Variants in KCNMA1 observed in about 807,000 individuals in gnomAD.
KCNMA1 encodes the protein Calcium-activated potassium channel subunit alpha-1.
Under a neutral mutation model 140.0 loss-of-function variants are expected in KCNMA1, and 29 were observed. The observed-to-expected ratio is 0.21, with a 90% CI of 0.15 to 0.28. KCNMA1 has a LOEUF of 0.28. Among genes scored for constraint, KCNMA1 ranks in the 10% least tolerant of loss-of-function variants. The pLI, the probability that KCNMA1 is intolerant of heterozygous loss-of-function variation, is 1.00. For synonymous variants in KCNMA1, 612 were observed against 611.9 expected, an observed-to-expected ratio of 1.00 and a Z score of 0.00; for missense variants, 880 against 1,602.2, an observed-to-expected ratio of 0.55 and a Z score of 7.70.
At chr10:77,212,941 G>A (rs1470208424) in intron 3 of KCNMA1, among the ~76,000 whole-genome samples, 7 of 152,004 alleles carry the variant, frequency 4.6e-5, no homozygotes, top group South Asian at 2.1e-4. Context: ...AATTGGTTTC[G>A]TAAGCCTTCT....
intron 1 of KCNMA1, among the ~76,000 whole-genome samples, chr10:77,520,121 G>A (rs77800909): frequency 1.3e-4 from 6 of 44,970 alleles, no homozygotes; most frequent in Admixed American, 2.6e-4. Flanking sequence ...TGTGAGGTCC[G>A]GGGTATGCAG....
chr10:77,529,744 G>C (rs1383765057), intron 1 of KCNMA1, among the ~76,000 whole-genome samples: 1 of 152,028 alleles, frequency 6.6e-6, no homozygotes, highest in Non-Finnish European at 1.5e-5. Flanking sequence ...AAAGAATGAG[G>C]ACACCCCAAG....
chr10:77,583,344 T>A (rs1269673826), intron 1 of KCNMA1, among the ~76,000 whole-genome samples: 1 of 152,238 alleles, frequency 6.6e-6, no homozygotes, highest in Admixed American at 6.5e-5. Flanking sequence ...CACAAATGGC[T>A]GCTGGAATCC....
intron 25 of KCNMA1, among the ~76,000 whole-genome samples, chr10:76,897,181 T>G (rs917513404): frequency 9.2e-5 from 14 of 151,680 alleles, no homozygotes; most frequent in African/African-American, 3.4e-4. Context: ...TGATAAACAG[T>G]AAGTATTTAC....
chr10:77,028,072 T>G (rs1565634015), intron 15 of KCNMA1, among the ~76,000 whole-genome samples, 181 bp from the exon 16 acceptor site: 1 of 152,166 alleles, frequency 6.6e-6, no homozygotes, highest in African/African-American at 2.4e-5. Context: ...CTATTAAACC[T>G]GATTTCTTGC....
chr10:77,439,191 C>T (rs1007706062), intron 1 of KCNMA1, among the ~76,000 whole-genome samples: 4 of 150,624 alleles, frequency 2.7e-5, no homozygotes, highest in African/African-American at 9.8e-5. Context: ...AGATTCCAAA[C>T]ATACAACAGG....
intron 2 of KCNMA1, among the ~76,000 whole-genome samples, chr10:77,323,532 C>T (rs2082972213): frequency 6.6e-6 from 1 of 152,158 alleles, no homozygotes; most frequent in African/African-American, 2.4e-5. Context: ...TTCCTCTGTC[C>T]CCATCCCAAC....
At chr10:77,609,611 G>A (rs1603638418) in intron 1 of KCNMA1, among the ~76,000 whole-genome samples, 1 of 152,110 alleles carries the variant, frequency 6.6e-6, no homozygotes, top group Non-Finnish European at 1.5e-5. Flanking sequence ...CAAAAAATAG[G>A]TATATGAGAT....
Position 77,450,275 on chromosome 10 carries a change from C to T in KCNMA1, c.379-46252G>A, listed in dbSNP as rs374143286. Among the ~76,000 whole-genome samples the T allele has an allele frequency of 6.8e-3, 1,028 of 152,006 alleles. 5 individuals are homozygous for T. Among genetic ancestry groups the T allele is most frequent in the Middle Eastern group, 0.014 (4 of 294 alleles). ...TTTGCCATGTTGGCCAGGTTGGTCTCGAACTCCTGCCCTGAGGTGATCCAC... is the reference window on the plus strand; with the variant it reads ...TTTGCCATGTTGGCCAGGTTGGTCTTGAACTCCTGCCCTGAGGTGATCCAC... On this transcript the variant is annotated intron_variant, in intron 1 of 27. Transcript: ENST00000286628.
chr10:77,240,973 C>G (rs2057121275), intron 3 of KCNMA1, among the ~76,000 whole-genome samples: 1 of 152,194 alleles, frequency 6.6e-6, no homozygotes, highest in Non-Finnish European at 1.5e-5. Flanking sequence ...GGGAGAAAAG[C>G]AAGACTATTA....
chr10:77,176,920 T>C (rs1398704707), intron 5 of KCNMA1, among the ~76,000 whole-genome samples: 1 of 152,082 alleles, frequency 6.6e-6, no homozygotes, highest in African/African-American at 2.4e-5. Context: ...AGTATCCAGG[T>C]GGGCCCAATG....
chr10:77,595,233 G>A (rs1303510658), intron 1 of KCNMA1, among the ~76,000 whole-genome samples: 1 of 150,440 alleles, frequency 6.6e-6, no homozygotes, highest in Non-Finnish European at 1.5e-5. Flanking sequence ...TGTATTCCCA[G>A]CTACTGGGGA....
chr10:77,381,981 T>G (rs1364374076), intron 2 of KCNMA1, among the ~76,000 whole-genome samples: 2 of 152,164 alleles, frequency 1.3e-5, no homozygotes, highest in East Asian at 3.9e-4. Flanking sequence ...ACAAACTGTT[T>G]CTTCTTCGTG....
intron 13 of KCNMA1, 112 bp downstream of exon 13, chr10:77,079,369 A>AGAGTGTGTGTGT: frequency 1.1e-5 from 7 of 661,358 alleles, no homozygotes; most frequent in South Asian, 3.2e-5. Flanking sequence ...GGCATGTGAG[A>AGAGTGTGTGTGT]GTGTGTGTGT....
At chr10:77,401,306 G>A (rs546794162) in intron 2 of KCNMA1, among the ~76,000 whole-genome samples, 10 of 152,100 alleles carry the variant, frequency 6.6e-5, no homozygotes, top group African/African-American at 1.4e-4. Flanking sequence ...ACAGGCACCC[G>A]CCACCACACT....
chr10:77,436,476 GA>G, intron 1 of KCNMA1, among the ~76,000 whole-genome samples: 1 of 152,368 alleles, frequency 6.6e-6, no homozygotes, highest in East Asian at 1.9e-4. Flanking sequence ...AACTTGCAGA[GA>G]AAGGAAGGGG....
chr10:77,026,319 CA>C (rs747059064), intron 16 of KCNMA1, among the ~76,000 whole-genome samples: 6 of 152,206 alleles, frequency 3.9e-5, no homozygotes, highest in Non-Finnish European at 8.8e-5. Flanking sequence ...CACATCATGA[CA>C]TTTTTTTTTG....
At chr10:77,479,967 A>G (rs1219820978) in intron 1 of KCNMA1, among the ~76,000 whole-genome samples, 1 of 152,170 alleles carries the variant, frequency 6.6e-6, no homozygotes, top group Non-Finnish European at 1.5e-5. Flanking sequence ...TGATGTCTTC[A>G]GTACTTGACA....
At chr10:77,200,289 T>C (rs1218818133) in intron 3 of KCNMA1, among the ~76,000 whole-genome samples, 1 of 152,176 alleles carries the variant, frequency 6.6e-6, no homozygotes, top group Non-Finnish European at 1.5e-5. Flanking sequence ...TACCATTATC[T>C]TGTCTTGTAG....
Sources: allele counts gnomAD v4.1 joint callset (sites outside exome capture counted in the v4.1 genomes callset), GRCh38; gene constraint gnomAD v4.1.1; transcripts MANE v1.5; gene names NCBI Gene and HGNC (gene_info 2026-07-23, HGNC 2026-07-21).